MAGI1: variants seen among roughly 807,000 people sequenced by gnomAD.
MAGI1 encodes the protein membrane associated guanylate kinase, WW and PDZ domain containing 1, also known as membrane-associated guanylate kinase, WW and PDZ domain-containing protein 1.
Under a neutral mutation model 139.9 loss-of-function variants are expected in MAGI1, and 58 were observed. The observed-to-expected ratio is 0.41, with a 90% CI of 0.34 to 0.52. MAGI1 has a LOEUF of 0.52. MAGI1 is among the 20% of genes least tolerant of loss of function. MAGI1 has a pLI of 0.12. For missense variants in MAGI1, 1,874 were observed against 1,901.6 expected, an observed-to-expected ratio of 0.99 and a Z score of 0.27; for synonymous variants, 812 against 737.9, an observed-to-expected ratio of 1.10 and a Z score of -1.63.
intron 1 of MAGI1, among the ~76,000 whole-genome samples, chr3:65,780,973 A>C (rs1198377272): frequency 6.6e-6 from 1 of 152,212 alleles, no homozygotes; most frequent in Admixed American, 6.5e-5. Flanking sequence ...TAATCCTAGC[A>C]CATTGGGAGG....
chr3:65,994,273 C>CA (rs35940908), intron 1 of MAGI1, among the ~76,000 whole-genome samples: 50,348 of 109,196 alleles, frequency 0.46, 11,924 homozygotes, highest in East Asian at 0.62. Flanking sequence ...GACTCCATCT[C>CA]AAAAAAAAAA....
chr3:65,853,665 A>C (rs2059281809), intron 1 of MAGI1, among the ~76,000 whole-genome samples: 1 of 152,216 alleles, frequency 6.6e-6, no homozygotes, highest in Admixed American at 6.5e-5. Context: ...AGGGCAGCTG[A>C]ATGCAAGGAA....
intron 1 of MAGI1, among the ~76,000 whole-genome samples, chr3:65,698,163 T>C (rs1293391132): frequency 3.5e-5 from 4 of 115,500 alleles, no homozygotes; most frequent in Non-Finnish European, 1.8e-5. Context: ...GAATCCAACT[T>C]ACAAGGGATG....
chr3:65,516,758 C>A (rs1276320973), intron 2 of MAGI1, among the ~76,000 whole-genome samples: 1 of 106,684 alleles, frequency 9.4e-6, no homozygotes, highest in Non-Finnish European at 1.7e-5. Context: ...GACGGAGTCT[C>A]GCTCTGTGGC....
intron 1 of MAGI1, among the ~76,000 whole-genome samples, chr3:66,028,440 C>A (rs1366810816): frequency 1.3e-5 from 2 of 152,046 alleles, no homozygotes; most frequent in Non-Finnish European, 2.9e-5. Context: ...CTAACCTGTC[C>A]CTGGTCTCTC....
intron 1 of MAGI1, among the ~76,000 whole-genome samples, chr3:65,752,860 T>C (rs1416440862): frequency 6.6e-6 from 1 of 152,178 alleles, no homozygotes; most frequent in East Asian, 1.9e-4. Flanking sequence ...GCCAAAATCT[T>C]TCTACCTCTG....
intron 1 of MAGI1, among the ~76,000 whole-genome samples, chr3:65,693,755 G>C (rs1164637919): frequency 6.6e-6 from 1 of 151,844 alleles, no homozygotes; most frequent in South Asian, 2.1e-4. Context: ...ATGGAGTCTT[G>C]TTCTGTCACC....
chr3:65,564,736 G>A (rs137864771), intron 2 of MAGI1, among the ~76,000 whole-genome samples: 1 of 152,314 alleles, frequency 6.6e-6, no homozygotes, highest in African/African-American at 2.4e-5. Flanking sequence ...CTAACCTGCA[G>A]CTAGGGTCTT....
intron 1 of MAGI1, among the ~76,000 whole-genome samples, chr3:65,977,753 A>G (rs2065340788): frequency 6.6e-6 from 1 of 151,280 alleles, no homozygotes; most frequent in Non-Finnish European, 1.5e-5. Context: ...CCTCATCTCC[A>G]TGACCTGAAA....
intron 1 of MAGI1, among the ~76,000 whole-genome samples, chr3:65,699,765 A>G (rs2089469773): frequency 6.7e-6 from 1 of 148,560 alleles, no homozygotes; most frequent in African/African-American, 2.5e-5. Flanking sequence ...ATTGGGAGAT[A>G]TACCTAATGC....
chr3:66,002,937 G>A (rs1206428641), intron 1 of MAGI1, among the ~76,000 whole-genome samples: 1 of 152,146 alleles, frequency 6.6e-6, no homozygotes, highest in Non-Finnish European at 1.5e-5. Context: ...CCTAATGATT[G>A]ACACTAACAG....
At chr3:65,575,103 T>C (rs2081124444) in intron 2 of MAGI1, among the ~76,000 whole-genome samples, 1 of 152,044 alleles carries the variant, frequency 6.6e-6, no homozygotes, top group Non-Finnish European at 1.5e-5. Flanking sequence ...CAAAAGACAC[T>C]GTTAAGAGGA....
In MAGI1 at chr3:65,729,235, A is replaced by T. The variant is rs111982312; in HGVS notation, c.314-107147T>A. ...GCTTATCTATTCCTGACAGCAGGTC[A>T]CTCCAAAATCTCTATTACATTATGT... On this transcript the variant is annotated intron_variant, in intron 1 of 22. Coordinates refer to ENST00000402939, the MANE Select transcript of MAGI1 (RefSeq NM_001033057.2). Among the ~76,000 whole-genome samples the T allele has an allele frequency of 4.3e-3, 652 of 151,366 alleles. 4 individuals carry two copies. The highest frequency in any genetic ancestry group is 0.015 in the African/African-American group (622 of 41,368).
At chr3:65,817,049 C>A (rs1299336745) in intron 1 of MAGI1, among the ~76,000 whole-genome samples, 1 of 152,150 alleles carries the variant, frequency 6.6e-6, no homozygotes, top group East Asian at 1.9e-4. Flanking sequence ...AATTGCAATT[C>A]ATAAAAATTA....
At chr3:65,641,496 CTG>C (rs2084983397) in intron 1 of MAGI1, among the ~76,000 whole-genome samples, 1 of 152,202 alleles carries the variant, frequency 6.6e-6, no homozygotes, top group African/African-American at 2.4e-5. Context: ...ACTTCTCAGA[CTG>C]TGAATTCACG....
At chr3:65,570,081 T>C (rs2080881683) in intron 2 of MAGI1, among the ~76,000 whole-genome samples, 1 of 77,850 alleles carries the variant, frequency 1.3e-5, no homozygotes, top group Admixed American at 1.5e-4. Flanking sequence ...ATCATTATTA[T>C]TATTATTATT....
intron 12 of MAGI1, among the ~76,000 whole-genome samples, chr3:65,417,365 A>G (rs1485445602): frequency 6.6e-6 from 1 of 152,214 alleles, no homozygotes; most frequent in Non-Finnish European, 1.5e-5. Context: ...GATGCTAATC[A>G]TAATAATATT....
chr3:65,708,559 G>C (rs955084429), intron 1 of MAGI1, among the ~76,000 whole-genome samples: 66 of 152,136 alleles, frequency 4.3e-4, no homozygotes, highest in African/African-American at 1.6e-3. Context: ...TTCTAGTTAA[G>C]GCTTGGGGGC....
At position 65,655,870 on chromosome 3, in the gene MAGI1, C is replaced by T. The variant is rs150673681; in HGVS notation, c.314-33782G>A. On this transcript the variant is annotated intron_variant, in intron 1 of 22. Coordinates refer to ENST00000402939, the MANE Select transcript of MAGI1 (RefSeq NM_001033057.2). ...GCCCAGGTAAATTCCAACTCCAGTT[C>T]AGTTCCCAAGTCGAAGCTCTTCCAC... Among the ~76,000 whole-genome samples, 453 of 152,306 alleles carry T rather than the reference C, an allele frequency of 3.0e-3. 4 individuals are homozygous for T. The highest frequency in any genetic ancestry group is 0.02 in the Middle Eastern group (6 of 294).
Sources: gnomAD v4.1 joint callset for allele counts (sites outside exome capture counted in the v4.1 genomes callset) on GRCh38, gnomAD v4.1.1 for gene constraint, MANE v1.5 for transcripts, NCBI Gene and HGNC (gene_info 2026-07-23, HGNC 2026-07-21) for gene names.